The following ZC3H12B variants were observed in gnomAD, a reference collection of about 807,000 sequenced individuals.
ZC3H12B encodes the protein zinc finger CCCH-type containing 12B.
A neutral mutation model predicts 43.9 loss-of-function variants in ZC3H12B; 7 were observed. The observed-to-expected ratio is 0.16, with a 90% CI of 0.09 to 0.30. The LOEUF is 0.30. ZC3H12B is among the 10% of genes least tolerant of loss of function. The pLI is 1.00. For missense variants in ZC3H12B, 475 were observed against 670.2 expected, an observed-to-expected ratio of 0.71 and a Z score of 3.22; for synonymous variants, 222 against 241.7, an observed-to-expected ratio of 0.92 and a Z score of 0.76.
chrX:65,379,747 C>A (rs184647256), intron 2 of ZC3H12B, among the ~76,000 whole-genome samples: 1 of 112,035 alleles, frequency 8.9e-6, no homozygotes, highest in African/African-American at 3.2e-5. Context: ...ATAACCAATA[C>A]AGCGAAGTGC....
chrX:65,451,334 G>T (rs2067507709), intron 3 of ZC3H12B, among the ~76,000 whole-genome samples: 1 of 110,910 alleles, frequency 9.0e-6, no homozygotes, highest in South Asian at 3.7e-4. Context: ...ATTTAGTTGT[G>T]TGTGTTCTCA....
At chrX:65,356,999 A>G in the ZC3H12B span, 1 of 513,355 alleles carries the variant, frequency 1.9e-6, no homozygotes, top group Non-Finnish European at 3.6e-6. Context: ...TGGTGTATAA[A>G]ATGGATGTTG....
the ZC3H12B span, among the ~76,000 whole-genome samples, chrX:65,335,237 A>T: frequency 9.0e-6 from 1 of 111,610 alleles, no homozygotes; most frequent in African/African-American, 3.3e-5. Flanking sequence ...TTTTTTCAAA[A>T]TGGGGTCTGT....
At chrX:65,167,901 C>G in the ZC3H12B span, among the ~76,000 whole-genome samples, 23 of 111,997 alleles carry the variant, frequency 2.1e-4, 1 homozygote, top group East Asian at 4.4e-3. Context: ...CTGAGACTTT[C>G]CTGAAGTTGC....
chrX:65,221,646 A>T, the ZC3H12B span, among the ~76,000 whole-genome samples: 2 of 110,754 alleles, frequency 1.8e-5, no homozygotes, highest in Admixed American at 9.7e-5. Context: ...ACCAAGAAGA[A>T]ATAGAAACTC....
chrX:65,254,473 A>G, the ZC3H12B span, among the ~76,000 whole-genome samples: 2 of 112,489 alleles, frequency 1.8e-5, no homozygotes, highest in Non-Finnish European at 3.8e-5. Flanking sequence ...ACACTTCCAG[A>G]AACCAAGCCA....
At chrX:65,134,543 G>A in the ZC3H12B span, among the ~76,000 whole-genome samples, 1 of 111,555 alleles carries the variant, frequency 9.0e-6, no homozygotes, top group African/African-American at 3.3e-5. Context: ...AAGAGAGGCT[G>A]GAGAAGAGAG....
chrX:65,179,067 A>G, the ZC3H12B span, among the ~76,000 whole-genome samples: 4 of 112,079 alleles, frequency 3.6e-5, no homozygotes, highest in East Asian at 1.1e-3. Flanking sequence ...ACCATGGAAT[A>G]CTATGCAGCC....
At chrX:65,241,817 C>T in the ZC3H12B span, among the ~76,000 whole-genome samples, 1 of 111,829 alleles carries the variant, frequency 8.9e-6, no homozygotes, top group East Asian at 2.8e-4. Context: ...TACAAAACAA[C>T]ACTGCTTGGC....
chrX:65,495,429 T>C (rs1160987208), intron 1 of ZC3H12B, among the ~76,000 whole-genome samples: 1 of 112,127 alleles, frequency 8.9e-6, no homozygotes, highest in African/African-American at 3.2e-5. Flanking sequence ...ATTTTTGTTG[T>C]AGTTAGTGAG....
At chrX:65,462,241 T>C (rs972542034) in intron 3 of ZC3H12B, among the ~76,000 whole-genome samples, 6 of 111,258 alleles carry the variant, frequency 5.4e-5, no homozygotes, top group Non-Finnish European at 1.1e-4. Context: ...CCGGGCACGG[T>C]GGCTCACACC....
the ZC3H12B span, among the ~76,000 whole-genome samples, chrX:65,184,381 G>C: frequency 4.5e-5 from 5 of 111,084 alleles, no homozygotes; most frequent in Non-Finnish European, 9.4e-5. Flanking sequence ...GATCTTTAGA[G>C]CAACATTGCT....
At chrX:65,095,627 GA>G in the ZC3H12B span, among the ~76,000 whole-genome samples, 1 of 111,826 alleles carries the variant, frequency 8.9e-6, no homozygotes, top group Non-Finnish European at 1.9e-5. Context: ...AGTGGGAGGA[GA>G]AAAGTAGGTA....
the ZC3H12B span, among the ~76,000 whole-genome samples, chrX:65,165,815 A>G: frequency 2.0e-4 from 22 of 112,203 alleles, no homozygotes; most frequent in African/African-American, 7.1e-4. Flanking sequence ...ATACCCAATA[A>G]TGGGATTGCT....
intron 3 of ZC3H12B, among the ~76,000 whole-genome samples, chrX:65,472,399 T>C (rs1569420399): frequency 1.2e-5 from 1 of 83,263 alleles, no homozygotes; most frequent in Admixed American, 1.1e-4. Flanking sequence ...TTGTTTTTTT[T>C]GTTTGTTTGT....
At chrX:65,095,101 A>G in the ZC3H12B span, among the ~76,000 whole-genome samples, 2 of 112,184 alleles carry the variant, frequency 1.8e-5, no homozygotes, top group African/African-American at 6.5e-5. Flanking sequence ...ATCTATCACT[A>G]TGAGCTTGAC....
chrX:65,046,582 C>T, the ZC3H12B span, among the ~76,000 whole-genome samples: 7 of 111,786 alleles, frequency 6.3e-5, no homozygotes, highest in African/African-American at 1.9e-4. Context: ...TCATCTGGAC[C>T]GCTAAAACTG....
chrX:65,050,921 G>A, the ZC3H12B span, among the ~76,000 whole-genome samples: 12 of 111,209 alleles, frequency 1.1e-4, no homozygotes, highest in African/African-American at 2.3e-4. Flanking sequence ...TTGTTAAAAG[G>A]GTAATGCTGT....
At chrX:65,375,912 G>C (rs1456434927) in intron 2 of ZC3H12B, among the ~76,000 whole-genome samples, 3 of 111,860 alleles carry the variant, frequency 2.7e-5, no homozygotes, top group African/African-American at 9.7e-5. Flanking sequence ...GAGAAAAGCA[G>C]AGGAAAAAGT....
Sources: allele counts gnomAD v4.1 joint callset (sites outside exome capture counted in the v4.1 genomes callset), GRCh38; gene constraint gnomAD v4.1.1; transcripts MANE v1.5; gene names NCBI Gene and HGNC (gene_info 2026-07-23, HGNC 2026-07-21).